The following RNH1 variants were observed in gnomAD, a reference collection of about 807,000 sequenced individuals.
The protein encoded by RNH1 is ribonuclease inhibitor.
A neutral mutation model predicts 46.1 loss-of-function variants in RNH1; 38 were observed. The observed-to-expected ratio is 0.82, with a 90% CI of 0.64 to 1.08. The LOEUF (loss-of-function observed/expected upper bound fraction) is 1.08. Ranked by LOEUF, RNH1 falls within the 50% of genes least tolerant of loss-of-function variation. The probability of loss-of-function intolerance (pLI) is 0.00; values close to 1 mark genes in which losing one functional copy is unlikely to be tolerated. For synonymous variants in RNH1, 319 were observed against 279.1 expected (o/e 1.14, Z -1.43); for missense variants, 577 against 590.7 (o/e 0.98, Z 0.24).
At chr11:496,925 A>G (rs568684773) in intron 9 of RNH1, among the ~76,000 whole-genome samples, 1 of 152,380 alleles carries the variant, frequency 6.6e-6, no homozygotes, top group South Asian at 2.1e-4. Flanking sequence ...GGTAGGCTGG[A>G]GCTCCGTGAA....
At position 498,638 on chromosome 11, in the gene RNH1, T is replaced by C. The variant is rs777493004; in HGVS notation, c.786-11A>G. 3.0e-5 allele frequency: 48 copies of C among 1,611,344 alleles called. No homozygotes were observed. The highest frequency in any genetic ancestry group is 3.7e-5 in the Non-Finnish European group (44 of 1,179,908). On this transcript the variant is annotated splice_polypyrimidine_tract_variant and intron_variant, in intron 7 of 10. Coordinates refer to ENST00000354420, the MANE Select transcript of RNH1 (RefSeq NM_203387.3). Reference sequence around the variant, plus strand: ...CCACACTCCCAGATCCTGCAGGACATGGACCACCACAGACTTTCCTCAGCA... The same window carrying C: ...CCACACTCCCAGATCCTGCAGGACACGGACCACCACAGACTTTCCTCAGCA...
At chr11:495,225 C>T (rs1015069980) in intron 9 of RNH1, among the ~76,000 whole-genome samples, 172 bp from the exon 10 acceptor site, 6 of 152,248 alleles carry the variant, frequency 3.9e-5, no homozygotes, top group Non-Finnish European at 8.8e-5. Flanking sequence ...GCAGGTTCCC[C>T]ACCACGGACA....
rs35811812 is a variant in RNH1, at chr11:498,442, G to A, written c.956+15C>T. The A allele has an allele frequency of 0.12, 201,149 of 1,610,238 alleles. 14,246 individuals carry two copies. The highest frequency in any genetic ancestry group is 0.24 in the Admixed American group (14,420 of 59,952). On this transcript the variant is annotated intron_variant, in intron 8 of 10. Coordinates refer to ENST00000354420, the MANE Select transcript of RNH1 (RefSeq NM_203387.3). ...CTCTTGGGCGACAGGGCCCTGCCCC[G>A]ACAGCCACACTCACCACAGCGACTC... is the stretch of plus-strand genomic sequence containing the variant.
At chr11:507,034 C>G (rs921049996) in intron 1 of RNH1, 79 bp downstream of exon 1, 1 of 152,252 alleles carries the variant, frequency 6.6e-6, no homozygotes, top group Admixed American at 6.5e-5. Flanking sequence ...AGCGCCAGGC[C>G]CGCGTCTACA....
At chr11:498,741 A>C (rs1199547496) in intron 7 of RNH1, 22 bp downstream of exon 7, 17 of 1,590,438 alleles carry the variant, frequency 1.1e-5, no homozygotes, top group Non-Finnish European at 1.5e-5. Context: ...TCCGGGAAGG[A>C]GGCCTCGCGG....
At chr11:497,309 TCACA>T (rs1293737719) in intron 9 of RNH1, among the ~76,000 whole-genome samples, 1 of 135,980 alleles carries the variant, frequency 7.4e-6, no homozygotes, top group Non-Finnish European at 1.5e-5. Context: ...GCCCATGTGC[TCACA>T]CACGGACCCT....
chr11:499,429 GAGAA>G, intron 5 of RNH1: 2 of 678,368 alleles, frequency 2.9e-6, no homozygotes, highest in Non-Finnish European at 5.4e-6. Flanking sequence ...CCAGGCCCGG[GAGAA>G]AGAAACCAGC....
rs550604549 is a variant in RNH1 at position 502,704 on chromosome 11, G to C, written c.-87-455C>G. The C allele has an allele frequency of 1.4e-4, 23 of 164,000 alleles. No individual in the cohort carries two copies. The South Asian group carries it at 3.6e-3, about 25-fold the overall frequency. 10.2% of individuals were successfully genotyped at this position (164,000 alleles called of 1,614,324 possible). A position where few individuals can be genotyped will look rare whatever the true frequency, so the allele number is the denominator to read the frequency against. The stretch of plus-strand genomic sequence containing the variant: ...AAGCCAGAGACCTCCCAGGATGCCA[G>C]GATCCTGGACCCGGCCACAGTGTCC... On this transcript the variant is annotated intron_variant, in intron 2 of 10. Coordinates refer to ENST00000354420, the MANE Select transcript of RNH1 (RefSeq NM_203387.3). This position sits in a 1 kb window ranked among gnomAD's most constrained non-coding sequence, Gnocchi z 5.8.
Position 495,013 on chromosome 11 carries a change from G to C in RNH1, c.1168C>G (p.Leu390Val). ...CDVSDSSCSS[L>V]AATLLANHSL... ...TGGTTGGCCAACAGGGTTGCGGCGA[G>C]GCTGCTGCAGCTGCTGTCACTCACA... The change falls in exon 10 of 11, where the codon CTC becomes GTC. Residue 390 changes from leucine to valine, a missense_variant. Transcript: ENST00000354420. The C allele has an allele frequency of 1.2e-6, 2 of 1,604,824 alleles. No individual in the cohort carries two copies. The highest frequency in any genetic ancestry group is 1.7e-6 in the Non-Finnish European group (2 of 1,176,446).
intron 4 of RNH1, 197 bp from the exon 5 acceptor site, chr11:500,196 T>C (rs1049669984): frequency 1.4e-5 from 10 of 693,604 alleles, no homozygotes; most frequent in Non-Finnish European, 2.1e-5. Context: ...CAGGGAAACC[T>C]TGTCTGCAGA....
chr11:505,699 CA>C (rs1318296169), intron 1 of RNH1: 3 of 152,072 alleles, frequency 2.0e-5, no homozygotes, highest in African/African-American at 7.2e-5. Flanking sequence ...GCTGGGACTA[CA>C]AGCGTTCACT....
At chr11:494,819 C>T in intron 10 of RNH1, 41 bp from the exon 11 acceptor site, 6 of 1,612,498 alleles carry the variant, frequency 3.7e-6, no homozygotes, top group Non-Finnish European at 5.1e-6. Context: ...CCGTGTCCTC[C>T]CCCACCCCCG....
At position 502,030 on chromosome 11, in the gene RNH1, G is replaced by A. The variant is rs764345320; in HGVS notation, c.101+32C>T. The stretch of plus-strand genomic sequence containing the variant: ...CGCCACCCGCCAGCCTGCCCCACCA[G>A]CACCCCAAGGCCACCCCGAGAGCAA... On this transcript the variant is annotated intron_variant, in intron 3 of 10. Coordinates refer to ENST00000354420, the MANE Select transcript of RNH1 (RefSeq NM_203387.3). The surrounding 1 kb of genome is among the most constrained non-coding windows in gnomAD (Gnocchi z 5.8). 2 of 1,550,922 alleles carry A rather than the reference G, an allele frequency of 1.3e-6. No individual in the cohort carries two copies. Among genetic ancestry groups the A allele is most frequent in the African/African-American group, 1.4e-5 (1 of 73,872 alleles).
chr11:499,873 G>A lies in RNH1; in HGVS notation c.399C>T (p.Leu133=), dbSNP rs1849582094. 4 of 1,613,074 alleles carry A rather than the reference G, an allele frequency of 2.5e-6. No homozygotes were observed. Among genetic ancestry groups the A allele is most frequent in the Non-Finnish European group, 3.4e-6 (4 of 1,179,794 alleles). ...ACTGGGGGTCCAGGAGTCCTTCGCAGAGCAGCTGCAGGCCCGCATCCCCCA... is the reference window on the plus strand; with the variant it reads ...ACTGGGGGTCCAGGAGTCCTTCGCAAAGCAGCTGCAGGCCCGCATCCCCCA... ...NLLGDAGLQL[L]CEGLLDPQCR... The change falls in exon 5 of 11, where the codon CTC becomes CTT. Residue 133 remains leucine, a synonymous_variant. Transcript: ENST00000354420.
Position 502,715 on chromosome 11 carries a change from C to A in RNH1, c.-87-466G>T. The A allele has an allele frequency of 6.2e-6, 1 of 162,426 alleles. No individual in the cohort carries two copies. The highest frequency in any genetic ancestry group is 1.4e-5 in the Non-Finnish European group (1 of 73,234). The allele number at this position is 162,426 out of a possible 1,614,324, so 10.1% of individuals were successfully genotyped here. ...CTCCCAGGATGCCAGGATCCTGGACCCGGCCACAGTGTCCGAAGCAAGACA... is the reference window on the plus strand; with the variant it reads ...CTCCCAGGATGCCAGGATCCTGGACACGGCCACAGTGTCCGAAGCAAGACA... On this transcript the variant is annotated intron_variant, in intron 2 of 10. Coordinates refer to ENST00000354420, the MANE Select transcript of RNH1 (RefSeq NM_203387.3). This position sits in a 1 kb window ranked among gnomAD's most constrained non-coding sequence, Gnocchi z 5.8.
chr11:503,163 C>T (rs989227225), intron 2 of RNH1: 2 of 2,174 alleles, frequency 9.2e-4, no homozygotes, highest in East Asian at 7.5e-3. Context: ...TGCCACAATG[C>T]GGGGAGGGGT....
Position 498,008 on chromosome 11 carries a change from C to T in RNH1, c.1090G>A (p.Gly364Ser), listed in dbSNP as rs1259600036. ...AGCACAGAGCCAGGCTGGCCCAGGC[C>T]CTGGCACAGCTCCCGCACGCCCGCA... ...EDAGVRELCQGLGQPGSVLRV... is the reference protein window; with the variant it reads ...EDAGVRELCQSLGQPGSVLRV... Residue 364 changes from glycine (G) to serine (S), a missense_variant, in exon 9 of 11, where the codon GGC becomes AGC. Gly to Ser is a moderately conservative substitution (Grantham distance 56). Transcript: ENST00000354420. The T allele has an allele frequency of 6.2e-7, 1 of 1,614,058 alleles. No homozygotes were observed. Among genetic ancestry groups the T allele is most frequent in the Non-Finnish European group, 8.5e-7 (1 of 1,179,996 alleles).
chr11:499,525 G>A, intron 5 of RNH1: 1 of 698,162 alleles, frequency 1.4e-6, no homozygotes, highest in Non-Finnish European at 2.6e-6. Context: ...CTGAGGCGGT[G>A]AGTGGAACCT....
chr11:503,818 C>T (rs1427566907), intron 2 of RNH1, among the ~76,000 whole-genome samples: 1 of 152,114 alleles, frequency 6.6e-6, no homozygotes, highest in Non-Finnish European at 1.5e-5. Context: ...GGGAGTAGCC[C>T]CGTCCCTACC....
Sources: allele counts gnomAD v4.1 joint callset (sites outside exome capture counted in the v4.1 genomes callset), GRCh38; gene constraint gnomAD v4.1.1; non-coding constraint Gnocchi (gnomAD v3.1); transcripts MANE v1.5; gene names NCBI Gene and HGNC (gene_info 2026-07-23, HGNC 2026-07-21).